Variants in WDR25 observed in about 807,000 individuals in gnomAD.
WDR25 encodes WD repeat domain 25.
Under a neutral mutation model 47.7 loss-of-function variants are expected in WDR25, and 35 were observed. That is an observed-to-expected ratio of 0.73 (90% CI 0.56 to 0.97). The LOEUF (loss-of-function observed/expected upper bound fraction) is 0.97. Among genes scored for constraint, WDR25 ranks in the 50% least tolerant of loss-of-function variants. The probability of loss-of-function intolerance (pLI) is 0.00; values close to 1 mark genes in which losing one functional copy is unlikely to be tolerated. For missense variants in WDR25, 634 were observed against 704.7 expected, an observed-to-expected ratio of 0.90 and a Z score of 1.14; for synonymous variants, 248 against 278.9, an observed-to-expected ratio of 0.89 and a Z score of 1.10.
chr14:100,411,459 T>G (rs889176358), intron 2 of WDR25, among the ~76,000 whole-genome samples: 2 of 152,192 alleles, frequency 1.3e-5, no homozygotes, highest in African/African-American at 4.8e-5. Flanking sequence ...CAACACCTGT[T>G]GGTTCTCAAA....
chr14:100,513,773 C>T lies in WDR25; in HGVS notation c.1102-12097C>T, dbSNP rs187159418. On this transcript the variant is annotated intron_variant, in intron 4 of 6. Transcript: ENST00000402312. ...AAATTCCTGAGCTCAAGTGATCCTCCTGCCTCGGCCTCCTAAAGTGCTAGG... is the reference window on the plus strand; with the variant it reads ...AAATTCCTGAGCTCAAGTGATCCTCTTGCCTCGGCCTCCTAAAGTGCTAGG... Among the ~76,000 whole-genome samples the T allele has an allele frequency of 2.8e-3, 430 of 152,040 alleles. 1 individual carries two copies. The highest frequency in any genetic ancestry group is 6.8e-3 in the Middle Eastern group (2 of 294).
intron 4 of WDR25, 44 bp downstream of exon 4, chr14:100,484,168 G>C (rs748299595): frequency 1.9e-6 from 3 of 1,574,234 alleles, no homozygotes; most frequent in Non-Finnish European, 2.6e-6. Context: ...AGGAGAGCTT[G>C]TTTCGACAAT....
At chr14:100,396,960 C>T (rs763872059) in intron 2 of WDR25, among the ~76,000 whole-genome samples, 6 of 152,230 alleles carry the variant, frequency 3.9e-5, no homozygotes, top group Non-Finnish European at 8.8e-5. Flanking sequence ...CTGTGTTTCT[C>T]ATGGTGAATG....
chr14:100,471,253 G>A (rs1899822707), intron 3 of WDR25, among the ~76,000 whole-genome samples: 1 of 152,178 alleles, frequency 6.6e-6, no homozygotes, highest in South Asian at 2.1e-4. Flanking sequence ...GCCAGGGCTG[G>A]CTTGGAGCAG....
At chr14:100,477,857 C>T (rs1023600202) in intron 3 of WDR25, among the ~76,000 whole-genome samples, 4 of 152,036 alleles carry the variant, frequency 2.6e-5, no homozygotes, top group Non-Finnish European at 2.9e-5. Flanking sequence ...TTTGGGAGGC[C>T]GAGGTGGGTG....
At chr14:100,495,897 T>G (rs1458649670) in intron 4 of WDR25, among the ~76,000 whole-genome samples, 1 of 152,244 alleles carries the variant, frequency 6.6e-6, no homozygotes, top group Non-Finnish European at 1.5e-5. Flanking sequence ...ATTGTTTCCA[T>G]TTTTGGACAT....
At position 100,468,163 on chromosome 14, in the gene WDR25, A is replaced by C. The variant is rs1899707223; in HGVS notation, c.965A>C (p.Glu322Ala). ...FDFALHLTDL[E>A]TGTQLFSGRS... is the part of the protein sequence containing the mutation. ...TTCGCGCTGCACCTAACAGACCTTGAAACAGGTGCGTTTCTTGTGTCACCT... is the reference window on the plus strand; with the variant it reads ...TTCGCGCTGCACCTAACAGACCTTGCAACAGGTGCGTTTCTTGTGTCACCT... Residue 322 changes from glutamate (E) to alanine (A), a missense_variant, in exon 3 of 7, where the codon GAA (glutamate) becomes GCA (alanine). Glu to Ala is a moderately radical substitution (Grantham distance 107, BLOSUM62 -1). Transcript: ENST00000402312. The surrounding 1 kb of genome is among the most constrained non-coding windows in gnomAD (Gnocchi z 4.5). 3.7e-6 allele frequency: 6 copies of C among 1,611,700 alleles called. No individual in the cohort carries two copies. In the East Asian group the frequency reaches 1.3e-4, roughly 36 times the overall value.
intron 2 of WDR25, among the ~76,000 whole-genome samples, chr14:100,399,166 G>T (rs150006553): frequency 6.6e-6 from 1 of 151,350 alleles, no homozygotes; most frequent in East Asian, 2.0e-4. Context: ...GCTAGAATTC[G>T]AATTTAGACT....
rs1898218543 is a variant in WDR25 at position 100,428,018 on chromosome 14, C to G, written c.823-40003C>G. Among the ~76,000 whole-genome samples the G allele has an allele frequency of 6.6e-6, 1 of 152,226 alleles. No homozygotes were observed. The highest frequency in any genetic ancestry group is 1.5e-5 in the Non-Finnish European group (1 of 68,038). On this transcript the variant is annotated intron_variant, in intron 2 of 6. Transcript: ENST00000402312. The surrounding 1 kb of genome is among the most constrained non-coding windows in gnomAD (Gnocchi z 4.3). ...GAGGCTCCTTCTACGAGGCTGGAAGCCTTTTCCTCCTGAGACCCTAACACG... is the reference window on the plus strand; with the variant it reads ...GAGGCTCCTTCTACGAGGCTGGAAGGCTTTTCCTCCTGAGACCCTAACACG...
Position 100,529,738 on chromosome 14 carries a change from C to T in WDR25, c.1414-82C>T. On this transcript the variant is annotated intron_variant, in intron 6 of 6. Coordinates refer to ENST00000402312, the MANE Select transcript of WDR25 (RefSeq NM_001161476.3). The surrounding 1 kb of genome is among the most constrained non-coding windows in gnomAD (Gnocchi z 5.1). ...GCTCTGCTCCGTCAGCTCGGGGCTT[C>T]AGCCTGCTCCTCTGTAGAATGGGCA... The T allele has an allele frequency of 6.8e-7, 1 of 1,466,862 alleles. No individual in the cohort carries two copies. The highest frequency in any genetic ancestry group is 9.2e-7 in the Non-Finnish European group (1 of 1,084,148). The allele number at this position is 1,466,862 out of a possible 1,614,324, so 90.9% of individuals were successfully genotyped here. A position where few individuals can be genotyped will look rare whatever the true frequency, so the allele number is the denominator to read the frequency against.
chr14:100,376,704 G>C, intron 1 of WDR25: 1 of 1,231,014 alleles, frequency 8.1e-7, no homozygotes, highest in Non-Finnish European at 1.0e-6. Flanking sequence ...ACCCATCTCT[G>C]GTCGTATCTT....
chr14:100,484,188 T>G, intron 4 of WDR25, 64 bp downstream of exon 4: 9 of 1,559,238 alleles, frequency 5.8e-6, no homozygotes, highest in Non-Finnish European at 7.8e-6. Context: ...TTTGAATAAT[T>G]GGGGGCAGGT....
At chr14:100,507,378 C>T (rs900778887) in intron 4 of WDR25, among the ~76,000 whole-genome samples, 2 of 152,044 alleles carry the variant, frequency 1.3e-5, no homozygotes, top group African/African-American at 4.8e-5. Context: ...ATTGCTTTGG[C>T]TATTTGGGCT....
chr14:100,376,961 G>A (rs992102047), intron 1 of WDR25, among the ~76,000 whole-genome samples: 8 of 152,234 alleles, frequency 5.3e-5, no homozygotes, highest in African/African-American at 1.9e-4. Flanking sequence ...TCCTCATGGG[G>A]CTGACTTGCT....
In WDR25 at chr14:100,498,536, C is replaced by T. The variant is rs1179337374; in HGVS notation, c.1101+14412C>T. Among the ~76,000 whole-genome samples the T allele has an allele frequency of 6.6e-6, 1 of 152,108 alleles. No individual in the cohort carries two copies. Among genetic ancestry groups the T allele is most frequent in the Non-Finnish European group, 1.5e-5 (1 of 68,020 alleles). The stretch of plus-strand genomic sequence containing the variant: ...CACCTGCTGTTTATAGGGTGTCTTC[C>T]TAGTTTAGAGGATTCAGAGAAGCTG... On this transcript the variant is annotated intron_variant, in intron 4 of 6. Transcript: ENST00000402312. The surrounding 1 kb of genome is among the most constrained non-coding windows in gnomAD (Gnocchi z 4.2).
intron 3 of WDR25, chr14:100,481,133 G>GAAAAAAAAAAAAAAAAAAAAAAAAAAA: frequency 3.0e-6 from 1 of 328,484 alleles, no homozygotes; most frequent in South Asian, 2.7e-5. Flanking sequence ...AAAAAAAAAA[G>GAAAAAAAAAAAAAAAAAAAAAAAAAAA]GGAAAAGGGG....
At chr14:100,391,514 A>C (rs1897145570) in intron 2 of WDR25, among the ~76,000 whole-genome samples, 1 of 152,186 alleles carries the variant, frequency 6.6e-6, no homozygotes, top group Non-Finnish European at 1.5e-5. Context: ...CTTTCCTCAA[A>C]AAAGAAATGT....
intron 2 of WDR25, among the ~76,000 whole-genome samples, chr14:100,397,568 G>C (rs140244427): frequency 2.9e-4 from 44 of 152,318 alleles, no homozygotes; most frequent in Admixed American, 9.1e-4. Flanking sequence ...TTATAGCGCA[G>C]CATCATGACT....
chr14:100,451,190 G>T (rs1031893389), intron 2 of WDR25, among the ~76,000 whole-genome samples: 1 of 152,134 alleles, frequency 6.6e-6, no homozygotes, highest in Non-Finnish European at 1.5e-5. Context: ...GGCCTTGCAG[G>T]ATTAAAAGAC....
Sources: allele counts gnomAD v4.1 joint callset (sites outside exome capture counted in the v4.1 genomes callset), GRCh38; gene constraint gnomAD v4.1.1; non-coding constraint Gnocchi (gnomAD v3.1); transcripts MANE v1.5; gene names NCBI Gene and HGNC (gene_info 2026-07-23, HGNC 2026-07-21).